KALRN: variants seen among roughly 807,000 people sequenced by gnomAD.
The protein encoded by KALRN is kalirin RhoGEF kinase.
Under a neutral mutation model 353.7 loss-of-function variants are expected in KALRN, and 70 were observed. The observed-to-expected ratio is 0.20, with a 90% CI of 0.16 to 0.24. The LOEUF (loss-of-function observed/expected upper bound fraction) is 0.24. KALRN is among the 10% of genes least tolerant of loss of function. KALRN has a pLI of 1.00. For missense variants in KALRN, 2,791 were observed against 3,756.7 expected, an observed-to-expected ratio of 0.74 and a Z score of 6.72; for synonymous variants, 1,391 against 1,434.8, an observed-to-expected ratio of 0.97 and a Z score of 0.69.
chr3:124,637,093 A>G (rs1352885639), intron 36 of KALRN, 115 bp from the exon 37 acceptor site: 1 of 838,154 alleles, frequency 1.2e-6, no homozygotes, highest in Non-Finnish European at 2.0e-6. Flanking sequence ...CCGTCTAAAC[A>G]CAGAACTTTG....
At chr3:124,396,186 G>A (rs1344490558) in intron 12 of KALRN, among the ~76,000 whole-genome samples, 1 of 152,114 alleles carries the variant, frequency 6.6e-6, no homozygotes, top group Admixed American at 6.5e-5. Context: ...GCCAGCTCTG[G>A]ACAGAAATAA....
chr3:124,443,498 G>A (rs192410933), intron 19 of KALRN, among the ~76,000 whole-genome samples: 9 of 152,354 alleles, frequency 5.9e-5, no homozygotes, highest in African/African-American at 2.2e-4. Flanking sequence ...AGAGGAGGGA[G>A]CAGAGTTTCT....
At chr3:124,302,522 A>G (rs2077346272) in intron 6 of KALRN, among the ~76,000 whole-genome samples, 2 of 152,240 alleles carry the variant, frequency 1.3e-5, no homozygotes, top group Admixed American at 1.3e-4. Flanking sequence ...TAGGTGTATC[A>G]TTTTGTCAAT....
intron 33 of KALRN, among the ~76,000 whole-genome samples, chr3:124,549,221 A>G (rs1187566337): frequency 1.3e-5 from 2 of 152,014 alleles, no homozygotes; most frequent in African/African-American, 2.4e-5. Context: ...AGACTTACCA[A>G]TTCCCTCAGC....
At position 124,437,689 on chromosome 3, in the gene KALRN, C is replaced by CAAAAA. The variant is rs397876079; in HGVS notation, c.3049-1177_3049-1173dup. Among the ~76,000 whole-genome samples the CAAAAA allele has an allele frequency of 1.8e-3, 88 of 48,332 alleles. 6 individuals carry two copies. The highest frequency in any genetic ancestry group is 4.8e-3 in the Admixed American group (16 of 3,312). The allele number at this position is 48,332 out of a possible 152,430, so 31.7% of individuals were successfully genotyped here. On this transcript the variant is annotated intron_variant, in intron 17 of 59. Transcript: ENST00000682506. ...TGGGTGAAAAAGCTAGATTCCGTCT[C>CAAAAA]AAAAAAAAAAAAAAAAAAAAAAAAA...
At chr3:124,699,463 G>A (rs922247678) in intron 55 of KALRN, among the ~76,000 whole-genome samples, 7 of 152,296 alleles carry the variant, frequency 4.6e-5, no homozygotes, top group South Asian at 4.1e-4. Context: ...TTACGTGTAC[G>A]TAGTGTTCAA....
At chr3:124,508,274 G>A (rs1482143002) in intron 33 of KALRN, among the ~76,000 whole-genome samples, 4 of 152,122 alleles carry the variant, frequency 2.6e-5, no homozygotes, top group Non-Finnish European at 4.4e-5. Flanking sequence ...CAGAATCCCC[G>A]TTTGTGCCCC....
At chr3:124,618,474 C>T (rs2078906160) in intron 34 of KALRN, among the ~76,000 whole-genome samples, 1 of 152,092 alleles carries the variant, frequency 6.6e-6, no homozygotes, top group Non-Finnish European at 1.5e-5. Context: ...GGAAGTTAGC[C>T]TTGCCCATTC....
intron 11 of KALRN, among the ~76,000 whole-genome samples, chr3:124,390,382 C>A (rs1457950417): frequency 6.6e-6 from 1 of 152,188 alleles, no homozygotes; most frequent in Non-Finnish European, 1.5e-5. Flanking sequence ...ATTTGTTTCA[C>A]CTTGTGGAAT....
At chr3:124,413,801 T>G in intron 14 of KALRN, 136 bp downstream of exon 14, 5 of 791,162 alleles carry the variant, frequency 6.3e-6, no homozygotes, top group Non-Finnish European at 7.8e-6. Flanking sequence ...TTACCCACAT[T>G]TTTTTTAAAA....
intron 17 of KALRN, among the ~76,000 whole-genome samples, chr3:124,436,508 A>T (rs1158854603): frequency 1.3e-5 from 2 of 152,218 alleles, no homozygotes; most frequent in African/African-American, 4.8e-5. Flanking sequence ...GGACTAGAGA[A>T]GTCACCTCAA....
In KALRN at chr3:124,132,574, ATCT is replaced by A. The variant is rs1160688862; in HGVS notation, c.74-95411_74-95409del. ...TCTCCTCTGGTCAGCCTGGGCAGAG[ATCT>A]TCTTTTACACACGGCAGGACTTGGG... is the stretch of plus-strand genomic sequence containing the variant. On this transcript the variant is annotated intron_variant, in intron 1 of 59. Transcript: ENST00000682506. 3.3e-5 allele frequency among the ~76,000 whole-genome samples: 5 copies of A among 152,172 alleles called. No homozygotes were observed. In the East Asian group the frequency reaches 9.6e-4, roughly 29 times the overall value.
Position 124,190,354 on chromosome 3 carries a change from C to T in KALRN, c.74-37636C>T, listed in dbSNP as rs529285728. On this transcript the variant is annotated intron_variant, in intron 1 of 59. Transcript: ENST00000682506. ...AGCACCATCATTTATCCTCAAGACC[C>T]TACCTTCCCCCTTCCCACCATCACT... 7.9e-5 allele frequency among the ~76,000 whole-genome samples: 12 copies of T among 152,284 alleles called. No individual in the cohort carries two copies. In the South Asian group the frequency reaches 2.5e-3, roughly 32 times the overall value.
chr3:124,467,501 A>G (rs1001915187), intron 25 of KALRN, among the ~76,000 whole-genome samples: 5 of 152,174 alleles, frequency 3.3e-5, no homozygotes, highest in Non-Finnish European at 7.3e-5. Context: ...GGCATTTGAG[A>G]TATAATTTAA....
rs1298568038 is a variant in KALRN, at chr3:124,446,866, A to C, written c.3533A>C (p.Glu1178Ala). 1 of 1,614,048 alleles carries C rather than the reference A, an allele frequency of 6.2e-7. No individual in the cohort carries two copies. The highest frequency in any genetic ancestry group is 1.7e-5 in the Admixed American group (1 of 60,006). ...ETQELLKEYG[E>A]FRVPAKQTKE... ...CAGGAACTGCTGAAAGAATATGGGG[A>C]ATTCAGGGTGCCTGCCAAGGTAGGA... Residue 1178 changes from glutamate (E) to alanine (A), a missense_variant, in exon 21 of 60, where the codon GAA (glutamate) becomes GCA (alanine). Coordinates refer to ENST00000682506, the MANE Select transcript of KALRN (RefSeq NM_001388419.1).
intron 33 of KALRN, among the ~76,000 whole-genome samples, chr3:124,562,138 T>C (rs1261288346): frequency 6.6e-6 from 1 of 152,230 alleles, no homozygotes; most frequent in Middle Eastern, 3.2e-3. Flanking sequence ...TGATTCTTCC[T>C]CCTGGTCCCC....
intron 1 of KALRN, chr3:124,096,704 GT>G (rs2061471785): frequency 6.6e-6 from 1 of 152,128 alleles, no homozygotes; most frequent in South Asian, 2.1e-4. Flanking sequence ...AAAGGGTCTT[GT>G]TTTCTAGGGC....
In KALRN at chr3:124,579,418, C is replaced by T. The variant is rs182842326; in HGVS notation, c.5182+16329C>T. ...GTCTGCCAAAAATATAAATGAGACT[C>T]AGCCATCTAGTTGAAAAGTAAGACT... On this transcript the variant is annotated intron_variant, in intron 34 of 59. Transcript: ENST00000682506. 3.0e-4 allele frequency among the ~76,000 whole-genome samples: 46 copies of T among 152,350 alleles called. 1 individual carries two copies. Among genetic ancestry groups the T allele is most frequent in the South Asian group, 4.1e-4 (2 of 4,828 alleles).
At chr3:124,068,293 C>T (rs2042546973) in intron 1 of KALRN, among the ~76,000 whole-genome samples, 1 of 152,224 alleles carries the variant, frequency 6.6e-6, no homozygotes, top group African/African-American at 2.4e-5. Flanking sequence ...TTGTCAGCCT[C>T]TACTTGGTGT....
Sources: gnomAD v4.1 joint callset for allele counts (sites outside exome capture counted in the v4.1 genomes callset) on GRCh38, gnomAD v4.1.1 for gene constraint, MANE v1.5 for transcripts, NCBI Gene and HGNC (gene_info 2026-07-23, HGNC 2026-07-21) for gene names.